The following DIPK2A variants were observed in gnomAD, a reference collection of about 807,000 sequenced individuals.
DIPK2A encodes divergent protein kinase domain 2A, also known as Golgi Protein of 49 kDa.
In DIPK2A, 27 loss-of-function variants were observed where a neutral mutation model predicts 39.0. The ratio of observed to expected loss-of-function variants is 0.69; its 90% CI spans 0.51 to 0.96. The LOEUF (loss-of-function observed/expected upper bound fraction) is 0.96. DIPK2A is among the 40% of genes least tolerant of loss of function. The probability of loss-of-function intolerance (pLI) is 0.00; values close to 1 mark genes in which losing one functional copy is unlikely to be tolerated. For synonymous variants in DIPK2A, 298 were observed against 240.8 expected (o/e 1.24, Z -2.20); for missense variants, 528 against 571.3 (o/e 0.92, Z 0.77).
chr3:143,972,917 C>T lies in DIPK2A; in HGVS notation c.585C>T (p.Arg195=). ...ETKDSGSFLL[R]NLKDSERMQL... is the part of the protein sequence containing the mutation. ...AGGACTCGGGCAGCTTCCTGCTTCG[C>T]AACCTCAAGGACTCGGAGCGCATGC... The change falls in exon 1 of 3, where the codon CGC becomes CGT. Residue 195 remains arginine, a synonymous_variant. Transcript: ENST00000315691. The T allele has an allele frequency of 6.3e-7, 1 of 1,588,982 alleles. No individual in the cohort carries two copies. Among genetic ancestry groups the T allele is most frequent in the South Asian group, 1.1e-5 (1 of 88,048 alleles).
chr3:143,983,008 G>A lies in DIPK2A; in HGVS notation c.658-2535G>A, dbSNP rs139340585. On this transcript the variant is annotated intron_variant, in intron 1 of 2. Transcript: ENST00000315691. ...CAAGGGCATTACATAATGGTAAACG[G>A]ATCAATGCAACAAGAAGAGCTAACT... is the stretch of plus-strand genomic sequence containing the variant. 4.7e-4 allele frequency among the ~76,000 whole-genome samples: 71 copies of A among 152,218 alleles called. 1 individual carries two copies. The highest frequency in any genetic ancestry group is 1.3e-3 in the African/African-American group (55 of 41,550).
At position 143,991,445 on chromosome 3, in the gene DIPK2A, T is replaced by C. The variant is rs1341271235; in HGVS notation, c.*1604T>C. 1 of 152,618 alleles carries C rather than the reference T, an allele frequency of 6.6e-6. No homozygotes were observed. The highest frequency in any genetic ancestry group is 1.5e-5 in the Non-Finnish European group (1 of 68,006). 9.5% of individuals were successfully genotyped at this position (152,618 alleles called of 1,614,324 possible). On this transcript the variant is annotated 3_prime_UTR_variant, in exon 3 of 3. Transcript: ENST00000315691. Reference sequence around the variant, plus strand: ...TTTCTTAAGTTGAAATAGCATTAACTAGGATAATGCTTTCATGTTATTTTA... The same window carrying C: ...TTTCTTAAGTTGAAATAGCATTAACCAGGATAATGCTTTCATGTTATTTTA...
At chr3:143,978,642 A>ATC (rs1473352396) in intron 1 of DIPK2A, 19 of 34,518 alleles carry the variant, frequency 5.5e-4, no homozygotes, top group Non-Finnish European at 9.1e-4. Flanking sequence ...ATATATATCT[A>ATC]TATATATATA....
In DIPK2A at chr3:143,989,641, C is replaced by T. The variant is rs755798965; in HGVS notation, c.1093C>T (p.Gln365Ter). 2 of 1,614,186 alleles carry T rather than the reference C, an allele frequency of 1.2e-6. No individual in the cohort carries two copies. Among genetic ancestry groups the T allele is most frequent in the African/African-American group, 1.3e-5 (1 of 75,048 alleles). Reference protein sequence around the residue: ...TVDHNYYAVCQNLLSRHATWR... With the variant: ...TVDHNYYAVC ...GGACCACAATTACTATGCTGTTTGT[C>T]AGAACCTCTTATCCAGACATGCCAC... Residue 365 changes from glutamine (Q) to a stop codon, truncating the protein, a stop_gained, in exon 3 of 3, where the codon CAG becomes TAG. Coordinates refer to ENST00000315691, the MANE Select transcript of DIPK2A (RefSeq NM_173552.5). LOFTEE classifies it high-confidence loss of function.
At position 143,972,795 on chromosome 3, in the gene DIPK2A, C is replaced by T. The variant is rs1010680951; in HGVS notation, c.463C>T (p.Leu155=). The change falls in exon 1 of 3, where the codon CTG becomes TTG. Residue 155 remains leucine (L), a synonymous_variant. Transcript: ENST00000315691. ...CGCGCGCCTCAACGGCGACGTGCGTCTGCTCACGCCCGAGGCGGTGGAGGG... is the reference window on the plus strand; with the variant it reads ...CGCGCGCCTCAACGGCGACGTGCGTTTGCTCACGCCCGAGGCGGTGGAGGG... ...EFARLNGDVR[L]LTPEAVEGWS... 8 of 1,566,976 alleles carry T rather than the reference C, an allele frequency of 5.1e-6. No individual in the cohort carries two copies. The highest frequency in any genetic ancestry group is 6.9e-6 in the Non-Finnish European group (8 of 1,160,122).
In DIPK2A at chr3:143,987,674, G is replaced by C. The variant is rs1213866436; in HGVS notation, c.961+1828G>C. Among the ~76,000 whole-genome samples the C allele has an allele frequency of 4.6e-5, 7 of 152,168 alleles. No individual in the cohort carries two copies. The East Asian group carries it at 1.3e-3, about 29-fold the overall frequency. On this transcript the variant is annotated intron_variant, in intron 2 of 2. Transcript: ENST00000315691. The stretch of plus-strand genomic sequence containing the variant: ...CTTGTTACATCAGTTATCTTCTTCA[G>C]TGTCCCACCTCCTTCCTTTAATATC...
chr3:143,975,945 G>A (rs940250601), intron 1 of DIPK2A, among the ~76,000 whole-genome samples: 4 of 152,000 alleles, frequency 2.6e-5, no homozygotes, highest in Non-Finnish European at 5.9e-5. Context: ...TTGATAAGGT[G>A]TTTAAGAACT....
In DIPK2A at chr3:143,989,538, T is replaced by C. The variant is rs748851915; in HGVS notation, c.990T>C (p.Tyr330=). The change falls in exon 3 of 3, where the codon TAT becomes TAC. Residue 330 remains tyrosine, a synonymous_variant. Transcript: ENST00000315691. ...QNKPENWDVW[Y]ESKFDDCDKE... Reference sequence around the variant, plus strand: ...AACCTGAAAATTGGGATGTATGGTATGAAAGCAAGTTTGATGACTGTGATA... The same window carrying C: ...AACCTGAAAATTGGGATGTATGGTACGAAAGCAAGTTTGATGACTGTGATA... 2 of 1,613,628 alleles carry C rather than the reference T, an allele frequency of 1.2e-6. No homozygotes were observed. Among genetic ancestry groups the C allele is most frequent in the Non-Finnish European group, 1.7e-6 (2 of 1,179,650 alleles).
At chr3:143,986,140 A>G (rs2087896739) in intron 2 of DIPK2A, 1 of 292,548 alleles carries the variant, frequency 3.4e-6, no homozygotes, top group Non-Finnish European at 6.3e-6. Flanking sequence ...CACTTACATT[A>G]GTCTAAAGTT....
At chr3:143,977,441 C>G (rs1203641868) in intron 1 of DIPK2A, among the ~76,000 whole-genome samples, 3 of 151,984 alleles carry the variant, frequency 2.0e-5, no homozygotes. Context: ...TTCCTACCCC[C>G]AAATTTTTAC....
chr3:143,972,347 G>A lies in DIPK2A; in HGVS notation c.15G>A (p.Val5=). 1 of 1,354,182 alleles carries A rather than the reference G, an allele frequency of 7.4e-7. No individual in the cohort carries two copies. Among genetic ancestry groups the A allele is most frequent in the Non-Finnish European group, 9.5e-7 (1 of 1,056,504 alleles). The allele number at this position is 1,354,182 out of a possible 1,614,324, so 83.9% of individuals were successfully genotyped here. A position where few individuals can be genotyped will look rare whatever the true frequency, so the allele number is the denominator to read the frequency against. The stretch of plus-strand genomic sequence containing the variant: ...GGGCGGGCGGTATGTGGCGCCTGGT[G>A]CCCCCGAAGCTGGGCCGCCTGTCCC... MWRL[V]PPKLGRLSRS... is the part of the protein sequence containing the mutation. Residue 5 remains valine (V), a synonymous_variant, in exon 1 of 3, where the codon GTG becomes GTA. Coordinates refer to ENST00000315691, the MANE Select transcript of DIPK2A (RefSeq NM_173552.5).
At chr3:143,983,954 G>C (rs2087862736) in intron 1 of DIPK2A, among the ~76,000 whole-genome samples, 1 of 152,114 alleles carries the variant, frequency 6.6e-6, no homozygotes, top group Non-Finnish European at 1.5e-5. Flanking sequence ...ATCTTAGCTA[G>C]ATCTTCTGGA....
At chr3:143,976,531 A>AGAGT (rs1553740407) in intron 1 of DIPK2A, among the ~76,000 whole-genome samples, 3,411 of 142,504 alleles carry the variant, frequency 0.024, 64 homozygotes, top group Middle Eastern at 0.037. Context: ...AGAAAGGGAG[A>AGAGT]GTGTGTGTGT....
intron 1 of DIPK2A, among the ~76,000 whole-genome samples, chr3:143,977,593 T>G (rs892698242): frequency 3.9e-5 from 6 of 152,108 alleles, no homozygotes; most frequent in African/African-American, 1.4e-4. Flanking sequence ...AAACAACAGT[T>G]TAAGGAACCA....
rs572447848 is a variant in DIPK2A, at chr3:143,978,598, C to T, written c.657+5609C>T. On this transcript the variant is annotated intron_variant, in intron 1 of 2. Transcript: ENST00000315691. ...ACAAAAGGTATCTATATCTATCTAT[C>T]TATCTATATATATATATCTATATCT... 133 of 55,568 alleles carry T rather than the reference C, an allele frequency of 2.4e-3. 1 individual carries two copies. Among genetic ancestry groups the T allele is most frequent in the Non-Finnish European group, 3.4e-3 (114 of 33,606 alleles). The allele number at this position is 55,568 out of a possible 1,614,324, so 3.4% of individuals were successfully genotyped here.
chr3:143,988,173 A>G (rs1046595767), intron 2 of DIPK2A, among the ~76,000 whole-genome samples: 1 of 151,294 alleles, frequency 6.6e-6, no homozygotes, highest in South Asian at 2.1e-4. Context: ...ATCACGGCTC[A>G]CTGCAGCCTT....
intron 1 of DIPK2A, among the ~76,000 whole-genome samples, chr3:143,982,852 CT>C (rs2087844476): frequency 6.6e-6 from 1 of 152,008 alleles, no homozygotes; most frequent in Non-Finnish European, 1.5e-5. Context: ...GGAGACCCAT[CT>C]CACATGCAAA....
chr3:143,979,416 AC>A (rs1274240521), intron 1 of DIPK2A, among the ~76,000 whole-genome samples: 1 of 152,204 alleles, frequency 6.6e-6, no homozygotes, highest in Admixed American at 6.5e-5. Flanking sequence ...GTACAAAAAA[AC>A]AGGTTAAGTC....
chr3:143,973,134 CG>C, intron 1 of DIPK2A, 145 bp downstream of exon 1: 1 of 1,203,190 alleles, frequency 8.3e-7, no homozygotes, highest in Non-Finnish European at 1.2e-6. Flanking sequence ...GGGGCGTCTC[CG>C]GGGGAGCCCC....
Sources: gnomAD v4.1 joint callset for allele counts (sites outside exome capture counted in the v4.1 genomes callset) on GRCh38, gnomAD v4.1.1 for gene constraint, MANE v1.5 for transcripts, NCBI Gene and HGNC (gene_info 2026-07-23, HGNC 2026-07-21) for gene names.